GRXCR1: variants seen among roughly 807,000 people sequenced by gnomAD.
The protein encoded by GRXCR1 is glutaredoxin and cysteine rich domain containing 1.
Under a neutral mutation model 27.3 loss-of-function variants are expected in GRXCR1, and 27 were observed. That is an observed-to-expected ratio of 0.99 (90% confidence interval 0.73 to 1.37). GRXCR1 has a LOEUF of 1.37. Among genes scored for constraint, GRXCR1 ranks in the 40% most tolerant of loss-of-function variants. GRXCR1 has a pLI of 0.00. For missense variants in GRXCR1, 379 were observed against 354.4 expected (o/e 1.07, Z -0.56); for synonymous variants, 122 against 131.1 (o/e 0.93, Z 0.47).
intron 2 of GRXCR1, among the ~76,000 whole-genome samples, chr4:42,974,728 G>T (rs181834293): frequency 8.8e-4 from 134 of 152,200 alleles, no homozygotes; most frequent in African/African-American, 3.1e-3. Context: ...GAACGAAACT[G>T]CCTGGAAGTA....
chr4:43,000,330 G>A (rs1047737840), intron 2 of GRXCR1, among the ~76,000 whole-genome samples: 2 of 152,048 alleles, frequency 1.3e-5, no homozygotes, highest in African/African-American at 4.8e-5. Context: ...ACAAAAATTA[G>A]CTGGGTGTGA....
intron 2 of GRXCR1, among the ~76,000 whole-genome samples, chr4:43,004,761 C>T (rs1481114224): frequency 2.0e-5 from 3 of 152,150 alleles, no homozygotes; most frequent in South Asian, 2.1e-4. Context: ...ATGCCTGTAC[C>T]CCCATTATAT....
intron 1 of GRXCR1, among the ~76,000 whole-genome samples, chr4:42,923,175 A>T (rs576840984): frequency 2.0e-5 from 3 of 152,238 alleles, no homozygotes; most frequent in Non-Finnish European, 4.4e-5. Flanking sequence ...GGAGTGGATA[A>T]GAGATAGCCC....
intron 2 of GRXCR1, among the ~76,000 whole-genome samples, chr4:42,989,077 G>A (rs1350842267): frequency 2.6e-5 from 4 of 152,206 alleles, no homozygotes; most frequent in African/African-American, 4.8e-5. Context: ...CTAGACTGTG[G>A]TGGAAGAAGA....
intron 2 of GRXCR1, among the ~76,000 whole-genome samples, chr4:42,967,402 T>C (rs1406544733): frequency 6.6e-6 from 1 of 152,110 alleles, no homozygotes; most frequent in Non-Finnish European, 1.5e-5. Flanking sequence ...TATAAATCTA[T>C]ACTGTTCTAT....
intron 2 of GRXCR1, among the ~76,000 whole-genome samples, chr4:42,974,722 G>A (rs1178751081): frequency 2.0e-5 from 3 of 152,098 alleles, no homozygotes; most frequent in South Asian, 4.1e-4. Flanking sequence ...TTAGAGGAAC[G>A]AAACTGCCTG....
intron 2 of GRXCR1, among the ~76,000 whole-genome samples, chr4:43,008,092 G>T (rs1712622551): frequency 6.6e-6 from 1 of 151,070 alleles, no homozygotes. Context: ...TTTCATTCTT[G>T]GAATAAAAAC....
At chr4:42,902,189 G>A (rs1378944670) in intron 1 of GRXCR1, among the ~76,000 whole-genome samples, 10 of 152,112 alleles carry the variant, frequency 6.6e-5, no homozygotes, top group Non-Finnish European at 1.5e-4. Flanking sequence ...TGAGTCAAAA[G>A]AAATGAATTA....
intron 1 of GRXCR1, among the ~76,000 whole-genome samples, chr4:42,928,593 C>T (rs752446619): frequency 6.6e-6 from 1 of 151,952 alleles, no homozygotes; most frequent in Admixed American, 6.6e-5. Context: ...GTTTGTTATA[C>T]TCACAGGTTT....
chr4:42,928,421 G>A (rs1206631617), intron 1 of GRXCR1, among the ~76,000 whole-genome samples: 2 of 151,986 alleles, frequency 1.3e-5, no homozygotes, highest in Admixed American at 1.3e-4. Flanking sequence ...AGAGGTATTA[G>A]AGGCAATGGT....
At chr4:43,015,047 C>T (rs1435143129) in intron 2 of GRXCR1, among the ~76,000 whole-genome samples, 3 of 151,932 alleles carry the variant, frequency 2.0e-5, no homozygotes, top group Admixed American at 1.3e-4. Context: ...ATACGAGTTT[C>T]CCAAGAGGTG....
intron 1 of GRXCR1, among the ~76,000 whole-genome samples, chr4:42,949,245 A>C (rs1360951085): frequency 2.0e-5 from 3 of 150,582 alleles, no homozygotes; most frequent in Non-Finnish European, 3.0e-5. Flanking sequence ...CGTGCCTATA[A>C]TCCCAGCTAC....
intron 2 of GRXCR1, among the ~76,000 whole-genome samples, chr4:42,969,574 G>T (rs1345297784): frequency 6.6e-6 from 1 of 152,070 alleles, no homozygotes; most frequent in African/African-American, 2.4e-5. Flanking sequence ...GATCGAGAGA[G>T]CAAAGTGGGG....
chr4:42,951,206 C>T (rs1438041533), intron 1 of GRXCR1, among the ~76,000 whole-genome samples: 1 of 152,198 alleles, frequency 6.6e-6, no homozygotes, highest in Non-Finnish European at 1.5e-5. Flanking sequence ...TCCAACCTTC[C>T]TCTGCCTTTT....
chr4:43,027,756 C>T (rs1293438706), intron 3 of GRXCR1, among the ~76,000 whole-genome samples: 1 of 152,146 alleles, frequency 6.6e-6, no homozygotes. Flanking sequence ...ACCTAGTGTG[C>T]ACTGGTACAG....
chr4:42,912,878 G>A (rs1746755771), intron 1 of GRXCR1, among the ~76,000 whole-genome samples: 2 of 152,204 alleles, frequency 1.3e-5, no homozygotes, highest in South Asian at 2.1e-4. Context: ...ATTGAATCAT[G>A]GGAGCAGTTT....
intron 2 of GRXCR1, among the ~76,000 whole-genome samples, chr4:42,987,221 ATT>A (rs1560676720): frequency 3.8e-4 from 15 of 39,930 alleles, no homozygotes; most frequent in African/African-American, 1.5e-3. Context: ...TTATATATAT[ATT>A]ATATATTATA....
intron 1 of GRXCR1, among the ~76,000 whole-genome samples, chr4:42,907,755 A>G (rs1201392438): frequency 6.6e-6 from 1 of 152,216 alleles, no homozygotes; most frequent in African/African-American, 2.4e-5. Context: ...GATGAGCCCA[A>G]AGTGACTAGA....
chr4:42,918,469 T>G (rs1436037688), intron 1 of GRXCR1, among the ~76,000 whole-genome samples: 2 of 152,122 alleles, frequency 1.3e-5, no homozygotes, highest in African/African-American at 2.4e-5. Context: ...TGCTTCCCAC[T>G]GTGGCTGATG....
Sources: gnomAD v4.1 joint callset for allele counts (sites outside exome capture counted in the v4.1 genomes callset) on GRCh38, gnomAD v4.1.1 for gene constraint, MANE v1.5 for transcripts, NCBI Gene and HGNC (gene_info 2026-07-23, HGNC 2026-07-21) for gene names.